VIPR1: variants seen among roughly 807,000 people sequenced by gnomAD.
The protein encoded by VIPR1 is vasoactive intestinal polypeptide receptor 1.
In VIPR1, 59 loss-of-function variants were observed where a neutral mutation model predicts 58.8. The ratio of observed to expected loss-of-function variants is 1.00; its 90% CI spans 0.81 to 1.25. The LOEUF is 1.25. Among genes scored for constraint, VIPR1 ranks in the 50% most tolerant of loss-of-function variants. The pLI is 0.00. For synonymous variants in VIPR1, 251 were observed against 242.1 expected, an observed-to-expected ratio of 1.04 and a Z score of -0.34; for missense variants, 626 against 602.7, an observed-to-expected ratio of 1.04 and a Z score of -0.40.
At chr3:42,523,439 C>T (rs916065979) in intron 3 of VIPR1, among the ~76,000 whole-genome samples, 5 of 152,198 alleles carry the variant, frequency 3.3e-5, no homozygotes. Flanking sequence ...GATCTGGAGT[C>T]AGGCAGACCT....
intron 4 of VIPR1, 66 bp from the exon 5 acceptor site, chr3:42,527,327 T>C: frequency 4.4e-6 from 6 of 1,375,018 alleles, no homozygotes; most frequent in Middle Eastern, 1.9e-4. Context: ...ACCCCACCCC[T>C]GCCAATACCC....
chr3:42,497,822 T>G (rs1388589301), upstream of VIPR1, among the ~76,000 whole-genome samples: 2 of 152,180 alleles, frequency 1.3e-5, no homozygotes, highest in Admixed American at 1.3e-4. Flanking sequence ...TTGTGAGGCC[T>G]CTCCAGCCAC....
At chr3:42,531,952 G>T in intron 9 of VIPR1, 83 bp downstream of exon 9, 1 of 1,508,080 alleles carries the variant, frequency 6.6e-7, no homozygotes, top group Non-Finnish European at 9.2e-7. Context: ...TGGGAAATTA[G>T]TATCTAGGTC....
chr3:42,527,321 C>A, intron 4 of VIPR1, 72 bp from the exon 5 acceptor site: 1 of 1,418,284 alleles, frequency 7.1e-7, no homozygotes, highest in Non-Finnish European at 9.9e-7. Flanking sequence ...TAGGGCACCC[C>A]ACCCCTGCCA....
intron 10 of VIPR1, chr3:42,533,439 C>T (rs1701681168): frequency 1.3e-5 from 2 of 150,190 alleles, no homozygotes; most frequent in Admixed American, 6.6e-5. Context: ...ACGGGGGGGG[C>T]ATCTGCAGTC....
upstream of VIPR1, among the ~76,000 whole-genome samples, chr3:42,499,465 C>T (rs139655688): frequency 1.4e-4 from 22 of 152,366 alleles, no homozygotes; most frequent in Non-Finnish European, 2.9e-4. Context: ...TCTTTCCCGC[C>T]ACCTCCCGTG....
rs138190117 is a variant in VIPR1 at position 42,510,419 on chromosome 3, G to A, written c.79-3330G>A. Among the ~76,000 whole-genome samples the A allele has an allele frequency of 5.1e-4, 77 of 152,292 alleles. No homozygotes were observed. The East Asian group carries it at 0.014, about 28-fold the overall frequency. On this transcript the variant is annotated intron_variant, in intron 1 of 12. Coordinates refer to ENST00000325123, the MANE Select transcript of VIPR1 (RefSeq NM_004624.4). ...ACTCTCTCTGTGTTCCTGAAGTCCA[G>A]AGGGATAATGAGGATGTTTAGAATA...
intron 8 of VIPR1, 55 bp downstream of exon 8, chr3:42,531,586 G>A: frequency 6.3e-7 from 1 of 1,582,938 alleles, no homozygotes. Context: ...CAGGCCCCCT[G>A]GGTGGGATGA....
chr3:42,527,598 T>C (rs999890320), intron 5 of VIPR1, 102 bp downstream of exon 5: 2 of 1,115,494 alleles, frequency 1.8e-6, no homozygotes, highest in Non-Finnish European at 2.6e-6. Context: ...CCCTCCACTG[T>C]TGCCCCCCAG....
chr3:42,522,323 G>A (rs1214010894), intron 3 of VIPR1, among the ~76,000 whole-genome samples: 4 of 151,302 alleles, frequency 2.6e-5, no homozygotes, highest in Admixed American at 2.6e-4. Flanking sequence ...TAGCCAGGAT[G>A]GTCTCGATCT....
chr3:42,490,891 G>A (rs531110979), intron 1 of VIPR1, among the ~76,000 whole-genome samples: 17 of 152,272 alleles, frequency 1.1e-4, no homozygotes, highest in African/African-American at 4.1e-4. Context: ...CAGGGAGGCT[G>A]GTATGCCTTC....
chr3:42,496,589 C>T (rs1201252504), intron 1 of VIPR1, among the ~76,000 whole-genome samples: 1 of 152,190 alleles, frequency 6.6e-6, no homozygotes, highest in East Asian at 1.9e-4. Context: ...CCTCCCTTTT[C>T]TACATAACTT....
chr3:42,537,529 G>A lies in VIPR1; in HGVS notation c.*1248G>A, dbSNP rs1701918580. Reference sequence around the variant, plus strand: ...CACCTCTGCCAGAAGATCCCCTCAGGACTGCAACAGGCTTGTGCAACAATA... The same window carrying A: ...CACCTCTGCCAGAAGATCCCCTCAGAACTGCAACAGGCTTGTGCAACAATA... On this transcript the variant is annotated 3_prime_UTR_variant, in exon 13 of 13. Coordinates refer to ENST00000325123, the MANE Select transcript of VIPR1 (RefSeq NM_004624.4). 1.3e-5 allele frequency: 2 copies of A among 152,228 alleles called. No homozygotes were observed. 9.4% of individuals were successfully genotyped at this position (152,228 alleles called of 1,614,324 possible).
chr3:42,499,561 G>T (rs1699827094), upstream of VIPR1, among the ~76,000 whole-genome samples: 1 of 152,140 alleles, frequency 6.6e-6, no homozygotes, highest in Admixed American at 6.6e-5. Context: ...ATCCCAGAGG[G>T]GAGACTTCAG....
Position 42,528,025 on chromosome 3 carries a change from C to A in VIPR1, c.538C>A (p.His180Asn). The A allele has an allele frequency of 6.2e-7, 1 of 1,614,090 alleles. No homozygotes were observed. The highest frequency in any genetic ancestry group is 8.5e-7 in the Non-Finnish European group (1 of 1,179,964). Residue 180 changes from histidine to asparagine, a missense_variant, in exon 6 of 13, where the codon CAC becomes AAC. By Grantham distance (68) the His-to-Asn change is moderately conservative. Coordinates refer to ENST00000325123, the MANE Select transcript of VIPR1 (RefSeq NM_004624.4). ...LHCTRNYIHM[H>N]LFISFILRAA... ...CTGCACGCGGAACTACATCCACATG[C>A]ACCTCTTCATATCCTTCATCCTGAG...
chr3:42,531,497 T>C lies in VIPR1; in HGVS notation c.817T>C (p.Trp273Arg), dbSNP rs1304927735. 1 of 1,592,246 alleles carries C rather than the reference T, an allele frequency of 6.3e-7. No individual in the cohort carries two copies. The highest frequency in any genetic ancestry group is 1.3e-5 in the African/African-American group (1 of 74,662). ...GGTACCCAGCACATTCACCATGGTG[T>C]GGACCATCGCCAGGATCCATTTTGA... ...WGVPSTFTMVWTIARIHFEDY... is the reference protein window; with the variant it reads ...WGVPSTFTMVRTIARIHFEDY... Residue 273 changes from tryptophan to arginine, a missense_variant, in exon 8 of 13, where the codon TGG becomes CGG. Transcript: ENST00000325123.
At chr3:42,499,438 G>A (rs960897190), upstream of VIPR1, among the ~76,000 whole-genome samples, 1 of 152,224 alleles carries the variant, frequency 6.6e-6, no homozygotes, top group African/African-American at 2.4e-5. Flanking sequence ...GGGATGGCAA[G>A]TGACTCCACT....
At chr3:42,490,338 C>T (rs80292451) in intron 1 of VIPR1, among the ~76,000 whole-genome samples, 3,451 of 152,356 alleles carry the variant, frequency 0.023, 124 homozygotes, top group African/African-American at 0.079. Context: ...CTGTCAGGGT[C>T]CCTATCCTTA....
At chr3:42,492,934 TG>T (rs1288271924) in intron 1 of VIPR1, among the ~76,000 whole-genome samples, 1 of 152,182 alleles carries the variant, frequency 6.6e-6, no homozygotes, top group African/African-American at 2.4e-5. Context: ...TGGGCTACTG[TG>T]GGTCTTGGCA....
Sources: allele counts gnomAD v4.1 joint callset (sites outside exome capture counted in the v4.1 genomes callset), GRCh38; gene constraint gnomAD v4.1.1; transcripts MANE v1.5; gene names NCBI Gene and HGNC (gene_info 2026-07-23, HGNC 2026-07-21).